CDH18: variants seen among roughly 807,000 people sequenced by gnomAD.
The protein encoded by CDH18 is cadherin-18.
In CDH18, 31 loss-of-function variants were observed where a neutral mutation model predicts 67.9. That is an observed-to-expected ratio of 0.46 (90% CI 0.34 to 0.62). CDH18 has a LOEUF of 0.62. Among genes scored for constraint, CDH18 ranks in the 20% least tolerant of loss-of-function variants. The pLI, the probability that CDH18 is intolerant of heterozygous loss-of-function variation, is 0.01. For synonymous variants in CDH18, 362 were observed against 347.2 expected, an observed-to-expected ratio of 1.04 and a Z score of -0.48; for missense variants, 890 against 975.5, an observed-to-expected ratio of 0.91 and a Z score of 1.17.
chr5:20,143,131 A>G (rs945635217), intron 2 of CDH18, among the ~76,000 whole-genome samples: 3 of 152,160 alleles, frequency 2.0e-5, no homozygotes, highest in Non-Finnish European at 4.4e-5. Context: ...GAAAAGAGGA[A>G]AGGTACAAAG....
chr5:19,708,973 A>C (rs1764329088), intron 5 of CDH18, among the ~76,000 whole-genome samples: 1 of 151,186 alleles, frequency 6.6e-6, no homozygotes, highest in Admixed American at 6.6e-5. Context: ...GTGCCACTGC[A>C]CTCCAGCCCG....
chr5:19,674,706 T>C (rs993434170), intron 5 of CDH18, among the ~76,000 whole-genome samples: 6 of 152,152 alleles, frequency 3.9e-5, no homozygotes, highest in Admixed American at 2.0e-4. Context: ...TAAAACTTTA[T>C]TGTTGATTTG....
chr5:19,940,574 A>G (rs1224160904), intron 2 of CDH18, among the ~76,000 whole-genome samples: 1 of 151,854 alleles, frequency 6.6e-6, no homozygotes, highest in Non-Finnish European at 1.5e-5. Flanking sequence ...TATTCACACA[A>G]TTTTTTTTCA....
At chr5:20,006,290 C>A (rs560240155) in intron 2 of CDH18, among the ~76,000 whole-genome samples, 1 of 151,720 alleles carries the variant, frequency 6.6e-6, no homozygotes, top group Non-Finnish European at 1.5e-5. Flanking sequence ...AATTTATTTT[C>A]CACAGAAGTA....
upstream of CDH18, among the ~76,000 whole-genome samples, chr5:19,990,184 A>G (rs1799903261): frequency 6.6e-6 from 1 of 152,164 alleles, no homozygotes; most frequent in Admixed American, 6.5e-5. Context: ...AATAAAAGGG[A>G]TAGAAAAAGA....
At chr5:20,276,973 T>G (rs1328451689) in intron 1 of CDH18, among the ~76,000 whole-genome samples, 1 of 152,088 alleles carries the variant, frequency 6.6e-6, no homozygotes, top group Non-Finnish European at 1.5e-5. Flanking sequence ...CTTTGTCTTG[T>G]GGCATGCATG....
intron 4 of CDH18, among the ~76,000 whole-genome samples, chr5:19,725,630 G>C (rs950721497): frequency 3.9e-5 from 6 of 152,056 alleles, no homozygotes; most frequent in African/African-American, 1.4e-4. Flanking sequence ...TTATCTGGAC[G>C]TGGTGGTGCA....
intron 5 of CDH18, among the ~76,000 whole-genome samples, chr5:19,705,288 TG>T (rs1215474067): frequency 3.3e-5 from 5 of 152,182 alleles, no homozygotes; most frequent in Admixed American, 2.0e-4. Context: ...TACTCCTACT[TG>T]GGGACCTTAG....
At chr5:20,172,202 A>ATATATATATG (rs1736800030) in intron 2 of CDH18, among the ~76,000 whole-genome samples, 1 of 46,050 alleles carries the variant, frequency 2.2e-5, no homozygotes, top group Admixed American at 2.3e-4. Context: ...ATATATATAT[A>ATATATATATG]TATATATATA....
In CDH18 at chr5:19,902,218, C is replaced by A. The variant is rs113257639; in HGVS notation, c.-256-62976G>T. On this transcript the variant is annotated intron_variant, in intron 2 of 12. Transcript: ENST00000382275. ...TAAAAATAGAACGACACATTTTTAACCTAGCCTCACTGAGATGGTCGAGAT... is the reference window on the plus strand; with the variant it reads ...TAAAAATAGAACGACACATTTTTAAACTAGCCTCACTGAGATGGTCGAGAT... Among the ~76,000 whole-genome samples, 327 of 152,224 alleles carry A rather than the reference C, an allele frequency of 2.1e-3. 2 individuals carry two copies. Among genetic ancestry groups the A allele is most frequent in the African/African-American group, 7.3e-3 (305 of 41,530 alleles).
At chr5:19,800,176 T>C (rs1239658038) in intron 3 of CDH18, among the ~76,000 whole-genome samples, 1 of 152,138 alleles carries the variant, frequency 6.6e-6, no homozygotes, top group East Asian at 1.9e-4. Flanking sequence ...TGCAACTCTT[T>C]GACCTGTTTT....
chr5:20,315,812 G>T (rs1398290018), intron 1 of CDH18, among the ~76,000 whole-genome samples: 1 of 152,092 alleles, frequency 6.6e-6, no homozygotes, highest in Non-Finnish European at 1.5e-5. Context: ...GGCTGTATGG[G>T]CATGTACTTA....
chr5:19,952,665 A>C (rs1285730529), intron 2 of CDH18, among the ~76,000 whole-genome samples: 1 of 152,168 alleles, frequency 6.6e-6, no homozygotes, highest in Non-Finnish European at 1.5e-5. Flanking sequence ...ATTATATTTC[A>C]TTGCACTTTA....
At chr5:20,161,900 A>C (rs1427531717) in intron 2 of CDH18, among the ~76,000 whole-genome samples, 1 of 152,192 alleles carries the variant, frequency 6.6e-6, no homozygotes, top group African/African-American at 2.4e-5. Context: ...TTCAGAATGA[A>C]TAACTATTAA....
At chr5:20,567,914 A>G (rs1758604707) in intron 1 of CDH18, among the ~76,000 whole-genome samples, 1 of 152,180 alleles carries the variant, frequency 6.6e-6, no homozygotes, top group African/African-American at 2.4e-5. Context: ...GGACTTGTTC[A>G]GCAAATTTTT....
chr5:20,146,146 G>T (rs1463111449), intron 2 of CDH18, among the ~76,000 whole-genome samples: 2 of 152,006 alleles, frequency 1.3e-5, no homozygotes, highest in African/African-American at 4.8e-5. Flanking sequence ...TTTTCATGGT[G>T]CAGGATTCTG....
Position 19,471,980 on chromosome 5 carries a change from C to T in CDH18, c.*1246G>A. Among the ~76,000 whole-genome samples the T allele has an allele frequency of 6.6e-6, 1 of 152,156 alleles. No individual in the cohort carries two copies. The highest frequency in any genetic ancestry group is 1.9e-4 in the East Asian group (1 of 5,194). On this transcript the variant is annotated 3_prime_UTR_variant, in exon 13 of 13. Transcript: ENST00000382275. The stretch of plus-strand genomic sequence containing the variant: ...TGTGAGGTGGGCAGGGAAGTCATTG[C>T]CATCTCTACTTTGTGGTTTGGACCC...
intron 8 of CDH18, among the ~76,000 whole-genome samples, chr5:19,545,231 T>C (rs1157185741): frequency 1.3e-5 from 2 of 152,118 alleles, no homozygotes; most frequent in Non-Finnish European, 2.9e-5. Flanking sequence ...TGAAAAGTGC[T>C]AGGGAAGAAT....
intron 2 of CDH18, among the ~76,000 whole-genome samples, chr5:20,079,307 C>G (rs1328598174): frequency 6.6e-6 from 1 of 152,042 alleles, no homozygotes; most frequent in Non-Finnish European, 1.5e-5. Flanking sequence ...TAAATGAGAC[C>G]ATATGATATT....
Sources: allele counts gnomAD v4.1 joint callset (sites outside exome capture counted in the v4.1 genomes callset), GRCh38; gene constraint gnomAD v4.1.1; transcripts MANE v1.5; gene names NCBI Gene and HGNC (gene_info 2026-07-23, HGNC 2026-07-21).